Variants in GMDS observed in about 807,000 individuals in gnomAD.
GMDS encodes GDP-mannose 4,6-dehydratase.
A neutral mutation model predicts 49.9 loss-of-function variants in GMDS; 20 were observed. The observed-to-expected ratio is 0.40, with a 90% CI of 0.28 to 0.58. The LOEUF (loss-of-function observed/expected upper bound fraction) is 0.58. Among genes scored for constraint, GMDS ranks in the 20% least tolerant of loss-of-function variants. The pLI is 0.42. For missense variants in GMDS, 362 were observed against 481.4 expected (o/e 0.75, Z 2.32); for synonymous variants, 177 against 178.6 (o/e 0.99, Z 0.07).
At chr6:1,718,860 T>A (rs1766267808) in intron 9 of GMDS, among the ~76,000 whole-genome samples, 1 of 151,916 alleles carries the variant, frequency 6.6e-6, no homozygotes, top group Admixed American at 6.6e-5. Flanking sequence ...ATATTTTAAA[T>A]GTGCATGGTC....
chr6:1,975,048 C>A (rs566094772), intron 4 of GMDS, among the ~76,000 whole-genome samples: 1,831 of 131,976 alleles, frequency 0.014, 32 homozygotes, highest in African/African-American at 0.049. Context: ...AAAAAAAAAA[C>A]AAAACAAAAC....
At chr6:2,148,792 G>C (rs1250093892) in intron 1 of GMDS, among the ~76,000 whole-genome samples, 4 of 152,212 alleles carry the variant, frequency 2.6e-5, no homozygotes, top group African/African-American at 9.6e-5. Context: ...CTTTGTCAAA[G>C]AGGTGAAGTT....
intron 1 of GMDS, among the ~76,000 whole-genome samples, chr6:2,231,378 GC>G (rs1299440017): frequency 5.3e-5 from 8 of 152,174 alleles, no homozygotes; most frequent in Non-Finnish European, 1.0e-4. Flanking sequence ...GGGCAACGTG[GC>G]AAAACCCCAT....
intron 1 of GMDS, among the ~76,000 whole-genome samples, chr6:2,173,950 A>G (rs1272977503): frequency 1.1e-4 from 17 of 152,248 alleles, no homozygotes; most frequent in Admixed American, 1.1e-3. Flanking sequence ...ACTGAGGTCC[A>G]GAATGGGTCC....
intron 4 of GMDS, among the ~76,000 whole-genome samples, chr6:2,041,237 C>A (rs917735498): frequency 1.3e-5 from 2 of 151,966 alleles, no homozygotes; most frequent in Admixed American, 6.6e-5. Flanking sequence ...GCAAAGCCTG[C>A]AGTAAAAGGT....
intron 7 of GMDS, among the ~76,000 whole-genome samples, chr6:1,761,441 T>C: frequency 6.6e-6 from 1 of 152,240 alleles, no homozygotes; most frequent in Non-Finnish European, 1.5e-5. Context: ...CTCAGTAGTC[T>C]GACAAGTTAT....
intron 7 of GMDS, among the ~76,000 whole-genome samples, chr6:1,853,567 A>AGTGT (rs70992106): frequency 0.022 from 3,239 of 146,722 alleles, 53 homozygotes; most frequent in Middle Eastern, 0.038. Context: ...AACTCATATG[A>AGTGT]GTGTGTGTGT....
At chr6:1,961,555 C>T (rs770653750) in intron 4 of GMDS, among the ~76,000 whole-genome samples, 43 of 152,090 alleles carry the variant, frequency 2.8e-4, no homozygotes, top group Admixed American at 4.6e-4. Context: ...AATTTCTAAG[C>T]GAATGCTGAG....
At chr6:2,229,575 C>CA (rs976516700) in intron 1 of GMDS, among the ~76,000 whole-genome samples, 45 of 150,670 alleles carry the variant, frequency 3.0e-4, no homozygotes, top group Non-Finnish European at 4.7e-4. Context: ...AAGAGCAAGA[C>CA]AAAAAAAAAG....
intron 9 of GMDS, among the ~76,000 whole-genome samples, chr6:1,684,539 A>G (rs1268744778): frequency 1.3e-5 from 2 of 152,216 alleles, no homozygotes; most frequent in African/African-American, 4.8e-5. Flanking sequence ...CACACCGGGG[A>G]ACATGGTAAA....
intron 4 of GMDS, among the ~76,000 whole-genome samples, chr6:1,983,887 T>C (rs1765379863): frequency 6.6e-6 from 1 of 152,206 alleles, no homozygotes; most frequent in Admixed American, 6.5e-5. Flanking sequence ...TTCAAAAGAA[T>C]ATAAATCATT....
chr6:1,915,501 T>C (rs1761333836), intron 7 of GMDS, among the ~76,000 whole-genome samples: 1 of 152,198 alleles, frequency 6.6e-6, no homozygotes. Context: ...AGGAGGACGC[T>C]GGGGCCCTGC....
intron 6 of GMDS, among the ~76,000 whole-genome samples, chr6:1,949,387 G>A (rs897816231): frequency 6.6e-6 from 1 of 152,274 alleles, no homozygotes; most frequent in Middle Eastern, 3.4e-3. Context: ...ATATTGCAGG[G>A]AACTGTGCTA....
chr6:1,777,905 C>G (rs1367723106), intron 7 of GMDS, among the ~76,000 whole-genome samples: 1 of 152,030 alleles, frequency 6.6e-6, no homozygotes, highest in Non-Finnish European at 1.5e-5. Flanking sequence ...CTGAAATAAT[C>G]CAGACAGTTT....
chr6:1,985,143 C>A (rs1765466877), intron 4 of GMDS, among the ~76,000 whole-genome samples: 1 of 152,156 alleles, frequency 6.6e-6, no homozygotes, highest in South Asian at 2.1e-4. Flanking sequence ...AAAAAAGAGG[C>A]ACATGGCAAC....
intron 1 of GMDS, among the ~76,000 whole-genome samples, chr6:2,240,660 G>T (rs1014322008): frequency 1.3e-5 from 2 of 151,230 alleles, no homozygotes; most frequent in Non-Finnish European, 2.9e-5. Context: ...GCTCTCTGTT[G>T]CTTCAACAAA....
chr6:1,669,592 C>T (rs989036355), intron 9 of GMDS, among the ~76,000 whole-genome samples: 7 of 152,124 alleles, frequency 4.6e-5, no homozygotes, highest in African/African-American at 1.7e-4. Context: ...TCAGGCACCT[C>T]TGTGTTCAAA....
intron 1 of GMDS, among the ~76,000 whole-genome samples, chr6:2,179,735 A>C (rs191003971): frequency 1.3e-5 from 2 of 152,306 alleles, no homozygotes; most frequent in East Asian, 3.9e-4. Flanking sequence ...AAGTATGTAA[A>C]ATCAGTAAAA....
At chr6:2,091,198 C>T (rs912418246) in intron 4 of GMDS, among the ~76,000 whole-genome samples, 8 of 152,166 alleles carry the variant, frequency 5.3e-5, no homozygotes, top group African/African-American at 1.7e-4. Context: ...GAAACCAACA[C>T]ATATCAAAAG....
Sources: allele counts gnomAD v4.1 joint callset (sites outside exome capture counted in the v4.1 genomes callset), GRCh38; gene constraint gnomAD v4.1.1; transcripts MANE v1.5; gene names NCBI Gene and HGNC (gene_info 2026-07-23, HGNC 2026-07-21).